Variants in TRPM1 observed in about 807,000 individuals in gnomAD.
The protein encoded by TRPM1 is transient receptor potential cation channel subfamily M member 1.
Under a neutral mutation model 149.4 loss-of-function variants are expected in TRPM1, and 113 were observed. The ratio of observed to expected loss-of-function variants is 0.76; its 90% CI spans 0.65 to 0.88. The LOEUF (loss-of-function observed/expected upper bound fraction) is 0.88, where lower values mean the gene tolerates loss of function less well. TRPM1 is among the 40% of genes least tolerant of loss of function. The pLI, the probability that TRPM1 is intolerant of heterozygous loss-of-function variation, is 0.00. For synonymous variants in TRPM1, 741 were observed against 759.5 expected (o/e 0.98, Z 0.40); for missense variants, 1,976 against 2,038.7 (o/e 0.97, Z 0.59).
intron 16 of TRPM1, among the ~76,000 whole-genome samples, chr15:31,043,444 G>A (rs940789193): frequency 2.0e-5 from 3 of 151,866 alleles, no homozygotes; most frequent in African/African-American, 7.3e-5. Flanking sequence ...CTCCCGCCTC[G>A]GCCTCCCAAA....
At chr15:31,078,546 T>G (rs927239390) in intron 2 of TRPM1, among the ~76,000 whole-genome samples, 6 of 152,226 alleles carry the variant, frequency 3.9e-5, no homozygotes, top group Admixed American at 3.3e-4. Flanking sequence ...TAATGACTGT[T>G]TAAAAACAAC....
chr15:31,040,269 G>C lies in TRPM1; in HGVS notation c.2165C>G (p.Thr722Ser). ...GTTGCTCCAGTTTTTCAGCTCGTAGGTCAGGAGTTTCATAGCGATCTGCTC... is the reference window on the plus strand; with the variant it reads ...GTTGCTCCAGTTTTTCAGCTCGTAGCTCAGGAGTTTCATAGCGATCTGCTC... The part of the protein sequence containing the change: ...HDEQIAMKLL[T>S]YELKNWSNST... Residue 722 changes from threonine to serine, a missense_variant, in exon 18 of 28, where the codon ACC (threonine) becomes AGC (serine). Thr to Ser is a moderately conservative substitution (Grantham distance 58, BLOSUM62 1). Transcript: ENST00000256552. The surrounding 1 kb of genome is among the most constrained non-coding windows in gnomAD (Gnocchi z 4.2). 6.2e-7 allele frequency: 1 copy of C among 1,614,204 alleles called. No individual in the cohort carries two copies. The highest frequency in any genetic ancestry group is 8.5e-7 in the Non-Finnish European group (1 of 1,180,030).
chr15:31,149,801 G>C (rs560067023), intron 1 of TRPM1, among the ~76,000 whole-genome samples: 19 of 152,336 alleles, frequency 1.2e-4, no homozygotes, highest in African/African-American at 4.6e-4. Context: ...TTACAGGCGT[G>C]AGCCACGGCG....
At chr15:31,065,378 AAAAC>A (rs1465853277) in intron 7 of TRPM1, among the ~76,000 whole-genome samples, 6 of 152,354 alleles carry the variant, frequency 3.9e-5, no homozygotes, top group South Asian at 2.1e-4. Context: ...AGTAATGGGA[AAAAC>A]AAACTGCTCT....
intron 27 of TRPM1, among the ~76,000 whole-genome samples, chr15:31,020,098 C>T (rs926377064): frequency 1.3e-5 from 2 of 152,230 alleles, no homozygotes; most frequent in African/African-American, 4.8e-5. Flanking sequence ...CCCCAGACTT[C>T]CTGGGTTTAT....
chr15:31,060,378 T>C (rs1452143398), intron 11 of TRPM1, 166 bp downstream of exon 11: 2 of 677,268 alleles, frequency 3.0e-6, no homozygotes, highest in Non-Finnish European at 5.3e-6. Flanking sequence ...TGTTGGTTCT[T>C]TGAAGTTAAA....
chr15:31,103,883 G>A (rs1243627387), upstream of TRPM1, among the ~76,000 whole-genome samples: 1 of 151,898 alleles, frequency 6.6e-6, no homozygotes, highest in African/African-American at 2.4e-5. Flanking sequence ...CCTCTGCTCT[G>A]TGGCTCACAG....
intron 11 of TRPM1, among the ~76,000 whole-genome samples, chr15:31,053,417 A>ATT (rs376760976): frequency 0.25 from 35,619 of 140,204 alleles, 5,325 homozygotes; most frequent in African/African-American, 0.41. Flanking sequence ...CTCCCGGCTC[A>ATT]TTTTTTTTTT....
intron 17 of TRPM1, among the ~76,000 whole-genome samples, chr15:31,041,241 A>T (rs2033607244): frequency 6.6e-6 from 1 of 151,268 alleles, no homozygotes; most frequent in African/African-American, 2.4e-5. Context: ...TGCAAGCTCC[A>T]CTTCCTGGGT....
intron 1 of TRPM1, among the ~76,000 whole-genome samples, chr15:31,121,223 C>CAAAAAAAAAAAAAAA (rs71420549): frequency 1.7e-5 from 1 of 59,386 alleles, no homozygotes; most frequent in Non-Finnish European, 3.1e-5. Flanking sequence ...GACTCCATCT[C>CAAAAAAAAAAAAAAA]AAAAAAAAAA....
intron 1 of TRPM1, among the ~76,000 whole-genome samples, chr15:31,157,542 A>G (rs536555644): frequency 1.3e-5 from 2 of 152,308 alleles, no homozygotes; most frequent in East Asian, 3.9e-4. Context: ...ACAACAAAAA[A>G]AATGTAGACA....
At chr15:31,146,398 T>C (rs2036224887) in intron 1 of TRPM1, among the ~76,000 whole-genome samples, 1 of 152,238 alleles carries the variant, frequency 6.6e-6, no homozygotes, top group African/African-American at 2.4e-5. Flanking sequence ...GCTCTTGGAC[T>C]AAGTTCCTGC....
chr15:31,154,791 G>A (rs2036346392), intron 1 of TRPM1, among the ~76,000 whole-genome samples: 1 of 152,076 alleles, frequency 6.6e-6, no homozygotes, highest in Non-Finnish European at 1.5e-5. Context: ...TGGATCTGCT[G>A]GTACCACCCA....
chr15:31,124,039 T>C (rs554712299), intron 1 of TRPM1, among the ~76,000 whole-genome samples: 2 of 152,284 alleles, frequency 1.3e-5, no homozygotes, highest in South Asian at 4.2e-4. Context: ...TACCCAGTAC[T>C]TTGGGAGGCC....
chr15:31,123,736 A>T (rs1456113733), intron 1 of TRPM1, among the ~76,000 whole-genome samples: 2 of 152,204 alleles, frequency 1.3e-5, no homozygotes, highest in Non-Finnish European at 2.9e-5. Flanking sequence ...GCAGAAACTG[A>T]TTCATTGCTG....
chr15:31,105,458 T>C (rs1026114441), upstream of TRPM1, among the ~76,000 whole-genome samples: 2 of 86,586 alleles, frequency 2.3e-5, no homozygotes, highest in African/African-American at 8.8e-5. Context: ...TGTGTGTGTG[T>C]GTGTGTGTGT....
intron 1 of TRPM1, among the ~76,000 whole-genome samples, chr15:31,148,733 C>A (rs992328822): frequency 3.3e-5 from 5 of 152,128 alleles, no homozygotes; most frequent in African/African-American, 1.2e-4. Flanking sequence ...CACCTTACCC[C>A]CTAGCAAATG....
intron 1 of TRPM1, among the ~76,000 whole-genome samples, chr15:31,113,013 T>C (rs1236810687): frequency 1.3e-5 from 2 of 152,202 alleles, no homozygotes; most frequent in Non-Finnish European, 2.9e-5. Context: ...TGCCGGTAAG[T>C]GTTCCGTGTT....
At chr15:31,160,377 G>A (rs1349491914) in intron 1 of TRPM1, among the ~76,000 whole-genome samples, 1 of 152,146 alleles carries the variant, frequency 6.6e-6, no homozygotes, top group Non-Finnish European at 1.5e-5. Context: ...GCCCTCCCAG[G>A]TTCTCACTTA....
Sources: allele counts gnomAD v4.1 joint callset (sites outside exome capture counted in the v4.1 genomes callset), GRCh38; gene constraint gnomAD v4.1.1; non-coding constraint Gnocchi (gnomAD v3.1); transcripts MANE v1.5; gene names NCBI Gene and HGNC (gene_info 2026-07-23, HGNC 2026-07-21).